METTL15: variants seen among roughly 807,000 people sequenced by gnomAD.
The protein encoded by METTL15 is 12S rRNA N(4)-cytidine methyltransferase METTL15.
In METTL15, 34 loss-of-function variants were observed where a neutral mutation model predicts 38.3. That is an observed-to-expected ratio of 0.89 (90% CI 0.68 to 1.18). The LOEUF is 1.18. Among genes scored for constraint, METTL15 ranks in the 50% most tolerant of loss-of-function variants. METTL15 has a pLI of 0.00. For synonymous variants in METTL15, 162 were observed against 170.9 expected (o/e 0.95, Z 0.41); for missense variants, 438 against 498.4 (o/e 0.88, Z 1.15).
At chr11:28,429,261 G>C (rs1051569522) in intron 6 of METTL15, among the ~76,000 whole-genome samples, 18 of 152,224 alleles carry the variant, frequency 1.2e-4, no homozygotes, top group African/African-American at 4.1e-4. Context: ...TATGTCCTTA[G>C]ATGACAATTA....
intron 5 of METTL15, 99 bp from the exon 6 acceptor site, chr11:28,296,654 A>G (rs963309678): frequency 3.8e-5 from 47 of 1,228,352 alleles, no homozygotes; most frequent in Non-Finnish European, 5.2e-5. Flanking sequence ...CTCCTAGAGT[A>G]TGTGTGTGTG....
At chr11:28,513,008 G>A (rs1851688959) in intron 6 of METTL15, among the ~76,000 whole-genome samples, 1 of 152,210 alleles carries the variant, frequency 6.6e-6, no homozygotes, top group Admixed American at 6.5e-5. Context: ...CTCAGGGGTG[G>A]CAGAGGAGAA....
intron 5 of METTL15, among the ~76,000 whole-genome samples, chr11:28,290,709 GCAA>G (rs1028795007): frequency 1.8e-4 from 28 of 151,894 alleles, no homozygotes; most frequent in African/African-American, 4.6e-4. Context: ...TCATGATACT[GCAA>G]CAACGATTTC....
At chr11:28,363,891 C>T (rs568724817) in intron 5 of METTL15, among the ~76,000 whole-genome samples, 1 of 152,278 alleles carries the variant, frequency 6.6e-6, no homozygotes, top group African/African-American at 2.4e-5. Flanking sequence ...TTTTATTCTT[C>T]TGCATATGTC....
At chr11:28,396,932 T>C (rs1241989554) in intron 5 of METTL15, among the ~76,000 whole-genome samples, 2 of 151,446 alleles carry the variant, frequency 1.3e-5, no homozygotes, top group African/African-American at 2.4e-5. Flanking sequence ...TCAGAAATAA[T>C]ACCACACATG....
chr11:28,159,611 A>G (rs540813855), intron 3 of METTL15, among the ~76,000 whole-genome samples: 8 of 152,276 alleles, frequency 5.3e-5, no homozygotes, highest in Non-Finnish European at 1.0e-4. Context: ...TTTGTTAAAA[A>G]CATGTTTGTG....
intron 4 of METTL15, among the ~76,000 whole-genome samples, chr11:28,279,612 CTA>C (rs1318172884): frequency 2.4e-4 from 36 of 152,066 alleles, no homozygotes; most frequent in Non-Finnish European, 1.5e-4. Flanking sequence ...TTAGGAAAGA[CTA>C]ACATGGCCGG....
chr11:28,270,990 A>G (rs1286630474), intron 4 of METTL15, among the ~76,000 whole-genome samples: 1 of 152,220 alleles, frequency 6.6e-6, no homozygotes, highest in Non-Finnish European at 1.5e-5. Flanking sequence ...GCATCAATAC[A>G]AGGAAAGTGC....
intron 4 of METTL15, among the ~76,000 whole-genome samples, chr11:28,246,395 C>A (rs1329527961): frequency 6.6e-6 from 1 of 151,924 alleles, no homozygotes; most frequent in African/African-American, 2.4e-5. Context: ...ACTTATTAGG[C>A]CCTAACTACA....
At chr11:28,475,197 A>G (rs1851335246) in intron 6 of METTL15, among the ~76,000 whole-genome samples, 1 of 152,202 alleles carries the variant, frequency 6.6e-6, no homozygotes, top group African/African-American at 2.4e-5. Context: ...CCTATTAGGG[A>G]CTGAGTTTCT....
intron 4 of METTL15, among the ~76,000 whole-genome samples, chr11:28,267,980 G>A (rs894145645): frequency 1.3e-5 from 2 of 151,784 alleles, no homozygotes; most frequent in African/African-American, 2.4e-5. Flanking sequence ...GGTGGATCAC[G>A]AGGTCAGGAG....
intron 4 of METTL15, among the ~76,000 whole-genome samples, chr11:28,249,193 G>A (rs1033743325): frequency 1.1e-4 from 17 of 151,826 alleles, no homozygotes; most frequent in Non-Finnish European, 2.1e-4. Context: ...TTTTTTTAAT[G>A]TTTTCAAACT....
chr11:28,216,683 G>T lies in METTL15; in HGVS notation c.407+5485G>T, dbSNP rs1002939537. On this transcript the variant is annotated intron_variant, in intron 4 of 6. Transcript: ENST00000407364. ...CCCATTAGCTCATCATTTACATTAGGTATATCTCCAAATGCTATCCCTCCC... is the reference window on the plus strand; with the variant it reads ...CCCATTAGCTCATCATTTACATTAGTTATATCTCCAAATGCTATCCCTCCC... Among the ~76,000 whole-genome samples, 3 of 150,962 alleles carry T rather than the reference G, an allele frequency of 2.0e-5. No individual in the cohort carries two copies. In the East Asian group the frequency reaches 5.9e-4, roughly 30 times the overall value.
At chr11:28,168,488 T>A (rs1850735379) in intron 3 of METTL15, among the ~76,000 whole-genome samples, 1 of 151,862 alleles carries the variant, frequency 6.6e-6, no homozygotes, top group Non-Finnish European at 1.5e-5. Context: ...TAATTATACT[T>A]TAAGTTTTAG....
At chr11:28,277,596 G>T (rs1448735165) in intron 4 of METTL15, among the ~76,000 whole-genome samples, 2 of 152,012 alleles carry the variant, frequency 1.3e-5, no homozygotes, top group Non-Finnish European at 2.9e-5. Flanking sequence ...TATTTGGGAG[G>T]CTGAGGCAGG....
At chr11:28,372,109 A>G (rs1850249750) in intron 5 of METTL15, among the ~76,000 whole-genome samples, 1 of 152,030 alleles carries the variant, frequency 6.6e-6, no homozygotes, top group African/African-American at 2.4e-5. Context: ...GTTCAGTACA[A>G]TGTTAGTTGT....
chr11:28,292,791 G>T (rs1237132010), intron 5 of METTL15, among the ~76,000 whole-genome samples: 1 of 152,148 alleles, frequency 6.6e-6, no homozygotes, highest in Non-Finnish European at 1.5e-5. Context: ...GTTTTGATTT[G>T]CATTTCTCTG....
At chr11:28,255,992 C>T (rs767907579) in intron 4 of METTL15, among the ~76,000 whole-genome samples, 11 of 152,166 alleles carry the variant, frequency 7.2e-5, no homozygotes, top group African/African-American at 1.7e-4. Flanking sequence ...CATGAGCCAC[C>T]GTGCCTGGCC....
intron 6 of METTL15, among the ~76,000 whole-genome samples, chr11:28,426,242 T>A (rs895342505): frequency 2.0e-5 from 3 of 152,228 alleles, no homozygotes; most frequent in African/African-American, 7.2e-5. Context: ...GATAATGGCT[T>A]CCAGCTCCAT....
Sources: allele counts gnomAD v4.1 joint callset (sites outside exome capture counted in the v4.1 genomes callset), GRCh38; gene constraint gnomAD v4.1.1; transcripts MANE v1.5; gene names NCBI Gene and HGNC (gene_info 2026-07-23, HGNC 2026-07-21).